The following PCSK2 variants were observed in gnomAD, a reference collection of about 807,000 sequenced individuals.
The protein encoded by PCSK2 is neuroendocrine convertase 2.
PCSK2 carries 14 observed loss-of-function variants against 69.7 expected under a neutral mutation model. The ratio of observed to expected loss-of-function variants is 0.20; its 90% CI spans 0.13 to 0.31. The LOEUF (loss-of-function observed/expected upper bound fraction) is 0.31, where lower values mean the gene tolerates loss of function less well. PCSK2 is among the 10% of genes least tolerant of loss of function. The pLI is 1.00. For synonymous variants in PCSK2, 307 were observed against 320.7 expected (o/e 0.96, Z 0.46); for missense variants, 544 against 842.5 (o/e 0.65, Z 4.39).
chr20:17,365,193 C>T (rs2030549044), intron 4 of PCSK2, among the ~76,000 whole-genome samples: 1 of 152,064 alleles, frequency 6.6e-6, no homozygotes. Flanking sequence ...CCAAGATGGC[C>T]CCTTGTTGCT....
intron 1 of PCSK2, among the ~76,000 whole-genome samples, chr20:17,229,192 T>A (rs1986051600): frequency 6.6e-6 from 1 of 151,854 alleles, no homozygotes. Context: ...TTATTGAGCC[T>A]ATGGCCCCGT....
At chr20:17,313,981 C>A (rs1376242708) in intron 2 of PCSK2, among the ~76,000 whole-genome samples, 1 of 152,250 alleles carries the variant, frequency 6.6e-6, no homozygotes, top group Non-Finnish European at 1.5e-5. Flanking sequence ...TAATGATGTG[C>A]TTTTGTTTCT....
intron 2 of PCSK2, among the ~76,000 whole-genome samples, chr20:17,263,805 G>A (rs557369405): frequency 1.2e-4 from 19 of 152,252 alleles, no homozygotes; most frequent in Admixed American, 9.8e-4. Flanking sequence ...CGTGGTACAG[G>A]CACCAAAGCG....
At chr20:17,270,749 A>T (rs6034790) in intron 2 of PCSK2, among the ~76,000 whole-genome samples, 1 of 152,020 alleles carries the variant, frequency 6.6e-6, no homozygotes, top group Non-Finnish European at 1.5e-5. Flanking sequence ...AGAAGCAAAG[A>T]AAAGCAATTA....
chr20:17,327,249 CACA>C, intron 2 of PCSK2, among the ~76,000 whole-genome samples: 1 of 152,170 alleles, frequency 6.6e-6, no homozygotes, highest in East Asian at 1.9e-4. Flanking sequence ...CAAATGCATG[CACA>C]ACAGCTTTCC....
chr20:17,368,142 T>C (rs1183599957), intron 4 of PCSK2, among the ~76,000 whole-genome samples: 1 of 152,220 alleles, frequency 6.6e-6, no homozygotes. Flanking sequence ...GGCAAATCTC[T>C]AATGGTGGCC....
intron 1 of PCSK2, among the ~76,000 whole-genome samples, chr20:17,243,135 T>A (rs1010808171): frequency 1.3e-5 from 2 of 152,192 alleles, no homozygotes; most frequent in African/African-American, 4.8e-5. Flanking sequence ...AAAGGAATAA[T>A]AAAAATAAAT....
At chr20:17,294,777 A>T (rs1600459556) in intron 2 of PCSK2, among the ~76,000 whole-genome samples, 1 of 152,140 alleles carries the variant, frequency 6.6e-6, no homozygotes, top group South Asian at 2.1e-4. Flanking sequence ...TCTGTCATTC[A>T]GTGAGAGTTA....
intron 5 of PCSK2, among the ~76,000 whole-genome samples, chr20:17,369,878 G>C (rs1463717434): frequency 1.3e-5 from 2 of 152,214 alleles, no homozygotes; most frequent in African/African-American, 4.8e-5. Context: ...ATGAAAGTAA[G>C]AGCGTTATCT....
chr20:17,347,873 A>G (rs1295708737), intron 2 of PCSK2, among the ~76,000 whole-genome samples: 157 of 2,780 alleles, frequency 0.056, 15 homozygotes, highest in East Asian at 0.11. Flanking sequence ...GAGAGAGAAA[A>G]AAGAAAGAAA....
At chr20:17,268,060 T>TATATATATATATATATATATATAA (rs1395373344) in intron 2 of PCSK2, among the ~76,000 whole-genome samples, 1 of 146,170 alleles carries the variant, frequency 6.8e-6, no homozygotes, top group African/African-American at 2.5e-5. Context: ...TATATATATA[T>TATATATATATATATATATATATAA]ATAATGCATT....
At chr20:17,330,245 A>G (rs530772456) in intron 2 of PCSK2, among the ~76,000 whole-genome samples, 1 of 152,308 alleles carries the variant, frequency 6.6e-6, no homozygotes, top group Admixed American at 6.5e-5. Flanking sequence ...ATGGGACAAT[A>G]CAGCTCTAGA....
At chr20:17,424,878 A>G (rs1363586098) in intron 6 of PCSK2, among the ~76,000 whole-genome samples, 1 of 152,090 alleles carries the variant, frequency 6.6e-6, no homozygotes, top group East Asian at 1.9e-4. Context: ...TCCGACTCCT[A>G]GGTTCAAGCA....
At chr20:17,474,123 T>C (rs3898998) in intron 11 of PCSK2, among the ~76,000 whole-genome samples, 55,766 of 152,072 alleles carry the variant, frequency 0.37, 10,445 homozygotes, top group Non-Finnish European at 0.41. Context: ...CAGTGCCTCT[T>C]GTTCAGGTCC....
At chr20:17,264,985 T>A (rs1987537602) in intron 2 of PCSK2, among the ~76,000 whole-genome samples, 1 of 152,130 alleles carries the variant, frequency 6.6e-6, no homozygotes, top group Admixed American at 6.6e-5. Context: ...TGCCTCAGCC[T>A]CCTGAGTAGC....
At chr20:17,417,116 A>T (rs2032016864) in intron 6 of PCSK2, among the ~76,000 whole-genome samples, 1 of 152,240 alleles carries the variant, frequency 6.6e-6, no homozygotes, top group Non-Finnish European at 1.5e-5. Flanking sequence ...TGGCACATGT[A>T]TACCTATGTA....
chr20:17,477,592 A>ACTC (rs1228462452), intron 11 of PCSK2, among the ~76,000 whole-genome samples: 12 of 151,890 alleles, frequency 7.9e-5, no homozygotes, highest in Non-Finnish European at 1.5e-4. Flanking sequence ...ACTGCGTTGA[A>ACTC]CTCCTTTATT....
chr20:17,315,731 C>T (rs1989667027), intron 2 of PCSK2, among the ~76,000 whole-genome samples: 1 of 152,224 alleles, frequency 6.6e-6, no homozygotes, highest in African/African-American at 2.4e-5. Context: ...AGAAGCCTGG[C>T]TTGGGGGTGA....
At chr20:17,294,299 G>A (rs1988811356) in intron 2 of PCSK2, among the ~76,000 whole-genome samples, 1 of 151,356 alleles carries the variant, frequency 6.6e-6, no homozygotes, top group African/African-American at 2.4e-5. Flanking sequence ...GTAGAGACGG[G>A]GTTTCACCGT....
Sources: gnomAD v4.1 joint callset for allele counts (sites outside exome capture counted in the v4.1 genomes callset) on GRCh38, gnomAD v4.1.1 for gene constraint, MANE v1.5 for transcripts, NCBI Gene and HGNC (gene_info 2026-07-23, HGNC 2026-07-21) for gene names.